LAMA2: variants seen among roughly 807,000 people sequenced by gnomAD.
The protein encoded by LAMA2 is laminin subunit alpha 2.
LAMA2 carries 269 observed loss-of-function variants against 364.8 expected under a neutral mutation model. That is an observed-to-expected ratio of 0.74 (90% CI 0.67 to 0.82). LAMA2 has a LOEUF of 0.82. LAMA2 is among the 40% of genes least tolerant of loss of function. The probability of loss-of-function intolerance (pLI) is 0.00; values close to 1 mark genes in which losing one functional copy is unlikely to be tolerated. For missense variants in LAMA2, 3,807 were observed against 3,873.2 expected, an observed-to-expected ratio of 0.98 and a Z score of 0.45; for synonymous variants, 1,379 against 1,370.6, an observed-to-expected ratio of 1.01 and a Z score of -0.14.
At chr6:129,018,526 T>G (rs1030001292) in intron 1 of LAMA2, among the ~76,000 whole-genome samples, 1 of 150,786 alleles carries the variant, frequency 6.6e-6, no homozygotes, top group Non-Finnish European at 1.5e-5. Flanking sequence ...ATTAAGAAAC[T>G]TGAGATTTAA....
intron 19 of LAMA2, 100 bp from the exon 20 acceptor site, chr6:129,291,514 T>G: frequency 6.1e-6 from 5 of 821,006 alleles, no homozygotes; most frequent in Non-Finnish European, 1.0e-5. Flanking sequence ...GTTACTGAAC[T>G]TAGGCGTCCA....
At chr6:129,277,133 T>G (rs1028090702) in intron 17 of LAMA2, among the ~76,000 whole-genome samples, 3 of 152,168 alleles carry the variant, frequency 2.0e-5, no homozygotes, top group African/African-American at 7.2e-5. Context: ...GTGTTTCCTG[T>G]GGCGTGGTTT....
intron 34 of LAMA2, among the ~76,000 whole-genome samples, chr6:129,378,718 T>C (rs1248192278): frequency 1.3e-5 from 2 of 152,090 alleles, no homozygotes; most frequent in Non-Finnish European, 2.9e-5. Flanking sequence ...AAAATATAAG[T>C]CTGTGAGACA....
intron 12 of LAMA2, among the ~76,000 whole-genome samples, chr6:129,228,398 A>G (rs1374480676): frequency 2.0e-5 from 3 of 152,084 alleles, no homozygotes; most frequent in Non-Finnish European, 4.4e-5. Context: ...GGAAATGTGG[A>G]AGTCACCCAT....
At position 129,165,943 on chromosome 6, in the gene LAMA2, AAG is replaced by A. The variant is rs72468842; in HGVS notation, c.1306+277_1306+278del. Among the ~76,000 whole-genome samples the A allele has an allele frequency of 0.072, 10,984 of 152,168 alleles. 714 individuals carry two copies. The highest frequency in any genetic ancestry group is 0.18 in the African/African-American group (7,267 of 41,506). On this transcript the variant is annotated intron_variant, in intron 9 of 64. Transcript: ENST00000421865. ...ACACACACATACACAGAGATAAAGA[AAG>A]AGAGAGAGTCAATCACAAATCTGTG...
chr6:129,505,807 C>T (rs72978682), intron 61 of LAMA2, among the ~76,000 whole-genome samples: 20,725 of 151,800 alleles, frequency 0.14, 1,803 homozygotes, highest in South Asian at 0.34. Flanking sequence ...GCTGGGATTA[C>T]AGGCCTGAGC....
intron 29 of LAMA2, among the ~76,000 whole-genome samples, chr6:129,328,652 C>A (rs115742542): frequency 1.5e-3 from 233 of 152,228 alleles, no homozygotes; most frequent in African/African-American, 5.2e-3. Flanking sequence ...AGAAGAGCAC[C>A]AGAAGACATA....
intron 33 of LAMA2, 105 bp downstream of exon 33, chr6:129,366,466 A>G: frequency 7.9e-7 from 1 of 1,258,874 alleles, no homozygotes; most frequent in Non-Finnish European, 1.1e-6. Context: ...CCCCAAATCA[A>G]GGGACACAAC....
intron 1 of LAMA2, among the ~76,000 whole-genome samples, chr6:128,917,919 A>G (rs1211995059): frequency 6.6e-6 from 1 of 151,108 alleles, no homozygotes; most frequent in Non-Finnish European, 1.5e-5. Context: ...TTTTTTTTGT[A>G]AAGATGGTAC....
rs760541670 is a variant in LAMA2, at chr6:129,328,300, G to C, written c.4199G>C (p.Arg1400Pro). 22 of 1,613,890 alleles carry C rather than the reference G, an allele frequency of 1.4e-5. No individual in the cohort carries two copies. The highest frequency in any genetic ancestry group is 1.6e-4 in the Middle Eastern group (1 of 6,084). Residue 1400 changes from arginine to proline, a missense_variant, in exon 29 of 65, where the codon CGA (arginine) becomes CCA (proline). Physicochemically the swap from Arg to Pro is moderately radical, Grantham distance 103 (BLOSUM62 -2). Coordinates refer to ENST00000421865, the MANE Select transcript of LAMA2 (RefSeq NM_000426.4). ...SCEACLPGFY[R>P]LRSQPGGRTP... ...CAGGCATGCTTGCCGGGATTTTATC[G>C]ACTGCGTTCTCAACCAGGTGGCCGC...
At chr6:129,278,009 C>T (rs567731148) in intron 17 of LAMA2, among the ~76,000 whole-genome samples, 1 of 151,992 alleles carries the variant, frequency 6.6e-6, no homozygotes, top group Non-Finnish European at 1.5e-5. Flanking sequence ...CAAGACCAGC[C>T]CGGCCAATAT....
chr6:129,341,655 A>G (rs1399451212), intron 29 of LAMA2, among the ~76,000 whole-genome samples: 1 of 152,134 alleles, frequency 6.6e-6, no homozygotes, highest in Non-Finnish European at 1.5e-5. Context: ...TCCTTATTGC[A>G]TAATTGATTA....
At chr6:129,298,205 G>C (rs976510744) in intron 21 of LAMA2, among the ~76,000 whole-genome samples, 1 of 41,870 alleles carries the variant, frequency 2.4e-5, no homozygotes, top group African/African-American at 1.6e-4. Flanking sequence ...CTTAGTTTAA[G>C]CTCAAACCCC....
At chr6:129,184,174 TA>T (rs1313509672) in intron 10 of LAMA2, among the ~76,000 whole-genome samples, 1 of 151,974 alleles carries the variant, frequency 6.6e-6, no homozygotes, top group East Asian at 1.9e-4. Flanking sequence ...TTAACATTTT[TA>T]TTGGTTTTGG....
intron 12 of LAMA2, among the ~76,000 whole-genome samples, chr6:129,200,199 T>C (rs1782134755): frequency 7.1e-6 from 1 of 141,180 alleles, no homozygotes; most frequent in Non-Finnish European, 1.5e-5. Flanking sequence ...TATATACATG[T>C]ACACATATAC....
chr6:129,145,638 G>C (rs929772141), intron 5 of LAMA2, among the ~76,000 whole-genome samples: 1 of 151,902 alleles, frequency 6.6e-6, no homozygotes, highest in African/African-American at 2.4e-5. Flanking sequence ...TAGAGTGGGG[G>C]TTGGGGTACA....
Position 129,284,520 on chromosome 6 carries a change from T to A in LAMA2, c.2538-3327T>A, listed in dbSNP as rs184423335. Among the ~76,000 whole-genome samples, 219 of 152,248 alleles carry A rather than the reference T, an allele frequency of 1.4e-3. 1 individual carries two copies. The highest frequency in any genetic ancestry group is 2.5e-3 in the Non-Finnish European group (169 of 67,998). Reference sequence around the variant, plus strand: ...TACCGTGTAAAAGTGCTCAGCTGATTTTTTTTAATGGGTTGGGAGAAACCA... The same window carrying A: ...TACCGTGTAAAAGTGCTCAGCTGATATTTTTTAATGGGTTGGGAGAAACCA... On this transcript the variant is annotated intron_variant, in intron 18 of 64. Coordinates refer to ENST00000421865, the MANE Select transcript of LAMA2 (RefSeq NM_000426.4).
chr6:129,081,021 A>G (rs1774015642), intron 3 of LAMA2, among the ~76,000 whole-genome samples: 1 of 152,236 alleles, frequency 6.6e-6, no homozygotes, highest in Non-Finnish European at 1.5e-5. Flanking sequence ...AGACTGGTTT[A>G]AGAAAATGTG....
chr6:128,961,223 A>AC (rs1333964393), intron 1 of LAMA2, among the ~76,000 whole-genome samples: 7 of 147,358 alleles, frequency 4.8e-5, no homozygotes, highest in African/African-American at 1.7e-4. Context: ...TCTTATCCTC[A>AC]CCCCTCATCC....
Sources: allele counts gnomAD v4.1 joint callset (sites outside exome capture counted in the v4.1 genomes callset), GRCh38; gene constraint gnomAD v4.1.1; transcripts MANE v1.5; gene names NCBI Gene and HGNC (gene_info 2026-07-23, HGNC 2026-07-21).